Variants in PFN1 observed in about 807,000 individuals in gnomAD.
The protein encoded by PFN1 is profilin 1.
PFN1 carries 2 observed loss-of-function variants against 11.7 expected under a neutral mutation model. The observed-to-expected ratio is 0.17, with a 90% confidence interval of 0.07 to 0.54. The LOEUF is 0.54. PFN1 is among the 20% of genes least tolerant of loss of function. PFN1 has a pLI of 0.94. For missense variants in PFN1, 97 were observed against 188.4 expected, an observed-to-expected ratio of 0.51 and a Z score of 2.84; for synonymous variants, 78 against 76.2, an observed-to-expected ratio of 1.02 and a Z score of -0.12.
intron 1 of PFN1, 144 bp downstream of exon 1, chr17:4,948,119 C>T: frequency 1.1e-6 from 1 of 945,660 alleles, no homozygotes; most frequent in Non-Finnish European, 1.5e-6. Context: ...CACTCACGTG[C>T]AGCCGCCATT....
chr17:4,947,749 CCTCT>C (rs1971436428), intron 1 of PFN1, among the ~76,000 whole-genome samples: 2 of 152,216 alleles, frequency 1.3e-5, no homozygotes, highest in South Asian at 2.1e-4. Context: ...GTGGCCTCGC[CCTCT>C]CTAACGGAGT....
chr17:4,948,096 C>G (rs777903050), intron 1 of PFN1, 167 bp downstream of exon 1: 10 of 717,012 alleles, frequency 1.4e-5, no homozygotes, highest in Non-Finnish European at 1.9e-5. Flanking sequence ...GACCTACGGG[C>G]AACTGAGGGA....
At position 4,946,621 on chromosome 17, in the gene PFN1, A is replaced by C. The variant is rs2151134640; in HGVS notation, c.325+7T>G. 1 of 1,602,262 alleles carries C rather than the reference A, an allele frequency of 6.2e-7. No individual in the cohort carries two copies. Among genetic ancestry groups the C allele is most frequent in the East Asian group, 2.2e-5 (1 of 44,710 alleles). The stretch of plus-strand genomic sequence containing the variant: ...AGCTAAAGGAAGGGTAAGACTCAGG[A>C]ACTCACTCTTGTCAGTCTTGGTGAC... On this transcript the variant is annotated splice_region_variant and intron_variant, in intron 2 of 2. Coordinates refer to ENST00000225655, the MANE Select transcript of PFN1 (RefSeq NM_005022.4).
At chr17:4,946,911 G>A (rs1490709925) in intron 1 of PFN1, 91 bp from the exon 2 acceptor site, 4 of 1,127,752 alleles carry the variant, frequency 3.5e-6, no homozygotes, top group East Asian at 2.4e-5. Flanking sequence ...CCACTTCTGA[G>A]AACCACCCCG....
At chr17:4,948,177 C>A (rs559112186) in intron 1 of PFN1, 86 bp downstream of exon 1, 137 of 1,462,586 alleles carry the variant, frequency 9.4e-5, no homozygotes, top group Non-Finnish European at 1.2e-4. Context: ...TCGCTGCGCG[C>A]CCTAGACCGC....
intron 1 of PFN1, 95 bp from the exon 2 acceptor site, chr17:4,946,915 C>T: frequency 9.1e-7 from 1 of 1,098,770 alleles, no homozygotes; most frequent in Non-Finnish European, 1.3e-6. Flanking sequence ...TTCTGAGAAC[C>T]ACCCCGCCGT....
Position 4,948,406 on chromosome 17 carries a change from T to C in PFN1, c.-12A>G. ...TTCCACCCGGCCATGGCGCTGCTACTGGGGCTGCTCTCGGCGCTGCTGCTG... is the reference window on the plus strand; with the variant it reads ...TTCCACCCGGCCATGGCGCTGCTACCGGGGCTGCTCTCGGCGCTGCTGCTG... On this transcript the variant is annotated 5_prime_UTR_variant, in exon 1 of 3. Coordinates refer to ENST00000225655, the MANE Select transcript of PFN1 (RefSeq NM_005022.4). 2.5e-6 allele frequency: 4 copies of C among 1,597,058 alleles called. No individual in the cohort carries two copies. Among genetic ancestry groups the C allele is most frequent in the Non-Finnish European group, 2.6e-6 (3 of 1,174,872 alleles).
At chr17:4,948,208 CT>C in intron 1 of PFN1, 54 bp downstream of exon 1, 1 of 1,527,882 alleles carries the variant, frequency 6.5e-7, no homozygotes, top group Non-Finnish European at 8.8e-7. Context: ...ACCCAAGTCC[CT>C]CCCTCAGGGT....
intron 2 of PFN1, 73 bp from the exon 3 acceptor site, chr17:4,946,070 AGCTGTCCAGCCCTGGGG>A: frequency 8.7e-7 from 1 of 1,146,328 alleles, no homozygotes; most frequent in Non-Finnish European, 1.3e-6. Context: ...GCTGTTCAGC[AGCTGTCCAGCCCTGGGG>A]GCTGTAACCC....
chr17:4,947,293 A>AT (rs1971420550), intron 1 of PFN1: 1 of 152,594 alleles, frequency 6.6e-6, no homozygotes, highest in South Asian at 2.0e-4. Context: ...GTCTCCAAGT[A>AT]ACCTAGAGTT....
At chr17:4,947,490 C>G (rs1427660037) in intron 1 of PFN1, 7 of 150,360 alleles carry the variant, frequency 4.7e-5, no homozygotes, top group African/African-American at 1.7e-4. Flanking sequence ...CCCTCCCGCC[C>G]GGAAACCCCC....
At chr17:4,947,725 T>TG (rs16954289) in intron 1 of PFN1, among the ~76,000 whole-genome samples, 7,682 of 151,932 alleles carry the variant, frequency 0.051, 321 homozygotes, top group East Asian at 0.2. Context: ...CGTGCTGAGC[T>TG]GGGGGGGCGT....
chr17:4,946,620 G>GAA lies in PFN1; in HGVS notation c.325+6_325+7dup. The GAA allele has an allele frequency of 6.2e-7, 1 of 1,600,978 alleles. No individual in the cohort carries two copies. Among genetic ancestry groups the GAA allele is most frequent in the South Asian group, 1.1e-5 (1 of 89,540 alleles). On this transcript the variant is annotated splice_region_variant and intron_variant, in intron 2 of 2. Transcript: ENST00000225655. ...GAGCTAAAGGAAGGGTAAGACTCAG[G>GAA]AACTCACTCTTGTCAGTCTTGGTGA... is the stretch of plus-strand genomic sequence containing the variant.
Position 4,948,404 on chromosome 17 carries a change from A to T in PFN1, c.-10T>A. On this transcript the variant is annotated 5_prime_UTR_variant, in exon 1 of 3. Coordinates refer to ENST00000225655, the MANE Select transcript of PFN1 (RefSeq NM_005022.4). ...CGTTCCACCCGGCCATGGCGCTGCT[A>T]CTGGGGCTGCTCTCGGCGCTGCTGC... 6.3e-7 allele frequency: 1 copy of T among 1,597,706 alleles called. No homozygotes were observed. The highest frequency in any genetic ancestry group is 1.7e-5 in the Admixed American group (1 of 58,658).
intron 1 of PFN1, among the ~76,000 whole-genome samples, chr17:4,947,756 A>G (rs559783649): frequency 6.6e-6 from 1 of 152,038 alleles, no homozygotes; most frequent in Admixed American, 6.5e-5. Flanking sequence ...CGCCCTCTCT[A>G]ACGGAGTTAG....
At chr17:4,947,078 A>G in intron 1 of PFN1, 1 of 334,948 alleles carries the variant, frequency 3.0e-6, no homozygotes, top group Non-Finnish European at 5.4e-6. Context: ...CTAGAGATTT[A>G]GATGTCAGTG....
In PFN1 at chr17:4,945,739, G is replaced by C. The variant is rs561769619; in HGVS notation, c.*161C>G. 2.3e-5 allele frequency: 13 copies of C among 569,636 alleles called. 1 individual carries two copies. Among genetic ancestry groups the C allele is most frequent in the Admixed American group, 5.9e-5 (2 of 33,614 alleles). 35.3% of individuals were successfully genotyped at this position (569,636 alleles called of 1,614,324 possible). A position where few individuals can be genotyped will look rare whatever the true frequency, so the allele number is the denominator to read the frequency against. ...ACACACGGGAGGGATATGGGTAGGG[G>C]GAGGTGTCTGTCCATCCAGCCCTGG... is the stretch of plus-strand genomic sequence containing the variant. On this transcript the variant is annotated 3_prime_UTR_variant, in exon 3 of 3. Coordinates refer to ENST00000225655, the MANE Select transcript of PFN1 (RefSeq NM_005022.4).
Position 4,945,895 on chromosome 17 carries a change from C to A in PFN1, c.*5G>T, listed in dbSNP as rs778615999. On this transcript the variant is annotated 3_prime_UTR_variant, in exon 3 of 3. Transcript: ENST00000225655. ...GGAGCGGTGAAGGGGAAGGGACAGA[C>A]GAGGTCAGTACTGGGAACGCCGAAG... The A allele has an allele frequency of 6.4e-7, 1 of 1,562,718 alleles. No homozygotes were observed. The highest frequency in any genetic ancestry group is 8.8e-7 in the Non-Finnish European group (1 of 1,133,342).
rs1971452306 is a variant in PFN1, at chr17:4,948,351, C to T, written c.44G>A (p.Gly15Glu). 1.9e-6 allele frequency: 3 copies of T among 1,610,886 alleles called. No individual in the cohort carries two copies. Among genetic ancestry groups the T allele is most frequent in the South Asian group, 1.1e-5 (1 of 90,808 alleles). The part of the protein sequence containing the change: ...NAYIDNLMAD[G>E]TCQDAAIVGY... ...CACGATGGCCGCGTCCTGACAGGTC[C>T]CGTCCGCCATGAGGTTGTCGATGTA... The change falls in exon 1 of 3, where the codon GGG (glycine) becomes GAG (glutamate). Residue 15 changes from glycine (G) to glutamate (E), a missense_variant. Physicochemically the swap from Gly to Glu is moderately conservative, Grantham distance 98. Transcript: ENST00000225655.
Sources: gnomAD v4.1 joint callset for allele counts (sites outside exome capture counted in the v4.1 genomes callset) on GRCh38, gnomAD v4.1.1 for gene constraint, MANE v1.5 for transcripts, NCBI Gene and HGNC (gene_info 2026-07-23, HGNC 2026-07-21) for gene names.